Variants in SCUBE2 observed in about 807,000 individuals in gnomAD.
The protein encoded by SCUBE2 is signal peptide, CUB domain and EGF like domain containing 2.
SCUBE2 carries 114 observed loss-of-function variants against 125.9 expected under a neutral mutation model. The observed-to-expected ratio is 0.91, with a 90% CI of 0.78 to 1.06. SCUBE2 has a LOEUF of 1.06. Among genes scored for constraint, SCUBE2 ranks in the 50% least tolerant of loss-of-function variants. The pLI, the probability that SCUBE2 is intolerant of heterozygous loss-of-function variation, is 0.00. For synonymous variants in SCUBE2, 459 were observed against 492.9 expected (o/e 0.93, Z 0.91); for missense variants, 1,255 against 1,301.8 (o/e 0.96, Z 0.55).
Position 9,053,642 on chromosome 11 carries a change from C to T in SCUBE2, c.1325G>A (p.Cys442Tyr), listed in dbSNP as rs889145596. The change falls in exon 11 of 23, where the codon TGT becomes TAT. Residue 442 changes from cysteine to tyrosine, a missense_variant. Cys to Tyr is a radical substitution (Grantham distance 194). This residue lies in a region of SCUBE2 where 378 missense variants were observed against 463.1 expected (regional missense o/e 0.82). Coordinates refer to ENST00000649792, the MANE Select transcript of SCUBE2 (RefSeq NM_001367977.2). The stretch of plus-strand genomic sequence containing the variant: ...TGTGCCTCGGTTCCCCTTACCCACA[C>T]AGTCTTTTTTATTCCAGTGGAGCTT... Reference protein sequence around the residue: ...GYKLHWNKKDCVEVKGLLPTS... With the variant: ...GYKLHWNKKDYVEVKGLLPTS... The T allele has an allele frequency of 6.2e-7, 1 of 1,614,010 alleles. No homozygotes were observed. Among genetic ancestry groups the T allele is most frequent in the Non-Finnish European group, 8.5e-7 (1 of 1,179,942 alleles).
In SCUBE2 at chr11:9,030,034, G is replaced by A. The variant is rs144146136; in HGVS notation, c.2353C>T (p.Pro785Ser). The change falls in exon 19 of 23, where the codon CCT (proline) becomes TCT (serine). Residue 785 changes from proline (P) to serine (S), a missense_variant. Pro to Ser is a moderately conservative substitution (Grantham distance 74, BLOSUM62 -1). Coordinates refer to ENST00000649792, the MANE Select transcript of SCUBE2 (RefSeq NM_001367977.2). ...GTGGTGGTGTTGTAGAAATGTCCAG[G>A]TGAACATTGAACTGTGGGTCAAGGG... ...QDCETRVQCS[P>S]GHFYNTTTHR... 6.9e-4 allele frequency: 1,120 copies of A among 1,613,938 alleles called. No homozygotes were observed. The highest frequency in any genetic ancestry group is 9.2e-4 in the Non-Finnish European group (1,085 of 1,179,952).
Position 9,029,947 on chromosome 11 carries a change from C to A in SCUBE2, c.2440G>T (p.Val814Phe). 2 of 1,614,192 alleles carry A rather than the reference C, an allele frequency of 1.2e-6. No individual in the cohort carries two copies. The highest frequency in any genetic ancestry group is 1.7e-6 in the Non-Finnish European group (2 of 1,180,024). The stretch of plus-strand genomic sequence containing the variant: ...GTCGTAGTATTTCCTGGGCAAGAAA[C>A]ACAATTATTTTTTCCAAATTCAGGC... The part of the protein sequence containing the change: ...YQPEFGKNNC[V>F]SCPGNTTTDF... Residue 814 changes from valine (V) to phenylalanine (F), a missense_variant, in exon 19 of 23, where the codon GTT becomes TTT. By Grantham distance (50) the Val-to-Phe change is conservative. Coordinates refer to ENST00000649792, the MANE Select transcript of SCUBE2 (RefSeq NM_001367977.2).
In SCUBE2 at chr11:9,039,839, G is replaced by C. The variant is rs187646144; in HGVS notation, c.2003-6043C>G. ...ACTGACTCTCGCCTCTCAATACATA[G>C]AGAATAGTTACAGCTTAGCTATGCC... is the stretch of plus-strand genomic sequence containing the variant. On this transcript the variant is annotated intron_variant, in intron 16 of 22. Transcript: ENST00000649792. Among the ~76,000 whole-genome samples, 368 of 152,274 alleles carry C rather than the reference G, an allele frequency of 2.4e-3. 2 individuals carry two copies. The highest frequency in any genetic ancestry group is 8.6e-3 in the African/African-American group (358 of 41,546).
At position 9,030,939 on chromosome 11, in the gene SCUBE2, T is replaced by TA. The variant is rs1165073700; in HGVS notation, c.2174-15dup. The stretch of plus-strand genomic sequence containing the variant: ...GTTGACACAGACCTGGAAGGACCAA[T>TA]AGCCTTACGTGAGCAAGGCCTCCAG... On this transcript the variant is annotated splice_polypyrimidine_tract_variant and intron_variant, in intron 17 of 22. Coordinates refer to ENST00000649792, the MANE Select transcript of SCUBE2 (RefSeq NM_001367977.2). The TA allele has an allele frequency of 3.7e-6, 6 of 1,608,116 alleles. No homozygotes were observed. Among genetic ancestry groups the TA allele is most frequent in the Non-Finnish European group, 4.3e-6 (5 of 1,176,424 alleles).
At chr11:9,082,463 C>T (rs1337042260) in intron 2 of SCUBE2, among the ~76,000 whole-genome samples, 1 of 152,138 alleles carries the variant, frequency 6.6e-6, no homozygotes, top group Non-Finnish European at 1.5e-5. Flanking sequence ...CCAGCAATCC[C>T]ACTCCTAGGT....
chr11:9,035,508 T>G (rs1856679949), intron 16 of SCUBE2, among the ~76,000 whole-genome samples: 1 of 152,210 alleles, frequency 6.6e-6, no homozygotes, highest in African/African-American at 2.4e-5. Context: ...GGAACAAACA[T>G]TCTCTATATG....
rs991843090 is a variant in SCUBE2, at chr11:9,053,486, C to T, written c.1330+151G>A. On this transcript the variant is annotated intron_variant, in intron 11 of 22. Coordinates refer to ENST00000649792, the MANE Select transcript of SCUBE2 (RefSeq NM_001367977.2). ...CACCAAAGATCCGGCAAAGTATCTC[C>T]TGTTTTTGAACTATTTAAAGAACAG... is the stretch of plus-strand genomic sequence containing the variant. 2.4e-5 allele frequency: 22 copies of T among 919,368 alleles called. 1 individual carries two copies. In the African/African-American group the frequency reaches 3.5e-4, roughly 15 times the overall value. The allele number at this position is 919,368 out of a possible 1,614,324, so 57.0% of individuals were successfully genotyped here. A position where few individuals can be genotyped will look rare whatever the true frequency, so the allele number is the denominator to read the frequency against.
At position 9,060,299 on chromosome 11, in the gene SCUBE2, C is replaced by G. The variant is rs546140209; in HGVS notation, c.967+109G>C. 5.2e-6 allele frequency: 4 copies of G among 775,660 alleles called. No homozygotes were observed. In the South Asian group the frequency reaches 7.0e-5, roughly 14 times the overall value. 48.0% of individuals were successfully genotyped at this position (775,660 alleles called of 1,614,324 possible). A position where few individuals can be genotyped will look rare whatever the true frequency, so the allele number is the denominator to read the frequency against. ...ATTGATATGAATCATAAGCAAATCT[C>G]GAGTCACGTGGGGTATGGAGGGTAT... is the stretch of plus-strand genomic sequence containing the variant. On this transcript the variant is annotated intron_variant, in intron 8 of 22. Transcript: ENST00000649792.
At chr11:9,062,059 G>C (rs1175497827) in intron 7 of SCUBE2, among the ~76,000 whole-genome samples, 2 of 152,170 alleles carry the variant, frequency 1.3e-5, no homozygotes, top group Non-Finnish European at 2.9e-5. Flanking sequence ...GAGAAGTCTG[G>C]ACCAGAGAGG....
Position 9,060,433 on chromosome 11 carries a change from G to A in SCUBE2, c.942C>T (p.Leu314=), listed in dbSNP as rs1433342234. The change falls in exon 8 of 23, where the codon CTC becomes CTT. Residue 314 remains leucine (L), a synonymous_variant. Coordinates refer to ENST00000649792, the MANE Select transcript of SCUBE2 (RefSeq NM_001367977.2). ...CTTTACATGTCTTCCCATCCAACTG[G>A]AGAGTGAATCCAACAGGACAACTGC... The part of the protein sequence containing the change: ...VHCSCPVGFT[L]QLDGKTCKDI... The A allele has an allele frequency of 2.5e-6, 4 of 1,613,906 alleles. No individual in the cohort carries two copies. In the Admixed American group the frequency reaches 6.7e-5, roughly 27 times the overall value.
intron 17 of SCUBE2, among the ~76,000 whole-genome samples, chr11:9,033,213 C>T (rs575703514): frequency 2.8e-4 from 43 of 152,198 alleles, no homozygotes; most frequent in Admixed American, 6.5e-4. Flanking sequence ...ACAAAATAAA[C>T]GGATATATTT....
intron 10 of SCUBE2, among the ~76,000 whole-genome samples, chr11:9,054,725 A>ATATATATATATATATATTTTTTTTTT (rs1368153935): frequency 4.5e-5 from 1 of 22,344 alleles, no homozygotes; most frequent in Non-Finnish European, 7.1e-5. Context: ...ATATATATAT[A>ATATATATATATATATATTTTTTTTTT]TTTTTTTTTT....
chr11:9,042,764 T>G (rs1169364565), intron 16 of SCUBE2, among the ~76,000 whole-genome samples: 1 of 152,024 alleles, frequency 6.6e-6, no homozygotes, highest in Non-Finnish European at 1.5e-5. Flanking sequence ...ACAGGCCACA[T>G]CAGAATCCTC....
intron 10 of SCUBE2, among the ~76,000 whole-genome samples, chr11:9,054,849 C>T (rs1415070418): frequency 6.8e-6 from 1 of 147,564 alleles, no homozygotes; most frequent in Admixed American, 6.7e-5. Context: ...AATTTTCCTG[C>T]CTCAGCTCCC....
At chr11:9,059,758 G>A (rs1859475378) in intron 8 of SCUBE2, 1 of 234,916 alleles carries the variant, frequency 4.3e-6, no homozygotes, top group South Asian at 1.3e-4. Context: ...GGTCTCTTTA[G>A]TACACTATGT....
Position 9,033,871 on chromosome 11 carries a change from A to G in SCUBE2, c.2003-75T>C, listed in dbSNP as rs188916938. The G allele has an allele frequency of 7.0e-5, 103 of 1,477,760 alleles. No individual in the cohort carries two copies. The Admixed American group carries it at 1.6e-3, about 23-fold the overall frequency. 91.5% of individuals were successfully genotyped at this position (1,477,760 alleles called of 1,614,324 possible). On this transcript the variant is annotated intron_variant, in intron 16 of 22. Coordinates refer to ENST00000649792, the MANE Select transcript of SCUBE2 (RefSeq NM_001367977.2). The stretch of plus-strand genomic sequence containing the variant: ...AGGATGATGTGAGTTCTAGAGATGA[A>G]GGCAAATAGATGGCACTGACCACAC...
chr11:9,039,019 G>A (rs1436378375), intron 16 of SCUBE2, among the ~76,000 whole-genome samples: 1 of 152,110 alleles, frequency 6.6e-6, no homozygotes, highest in East Asian at 1.9e-4. Flanking sequence ...CTGAGTAGCT[G>A]GAACTACAGG....
At chr11:9,079,606 C>G in intron 2 of SCUBE2, 97 bp from the exon 3 acceptor site, 1 of 1,262,508 alleles carries the variant, frequency 7.9e-7, no homozygotes, top group South Asian at 1.5e-5. Flanking sequence ...AGGAATCTAC[C>G]TGAAAATACA....
intron 7 of SCUBE2, among the ~76,000 whole-genome samples, chr11:9,061,338 C>A (rs945617671): frequency 1.3e-5 from 2 of 152,090 alleles, no homozygotes; most frequent in Non-Finnish European, 2.9e-5. Context: ...AGGAGGATCA[C>A]CTGAGCCCAG....
Sources: allele counts gnomAD v4.1 joint callset (sites outside exome capture counted in the v4.1 genomes callset), GRCh38; gene constraint gnomAD v4.1.1; regional missense constraint gnomAD v4.1.1; transcripts MANE v1.5; gene names NCBI Gene and HGNC (gene_info 2026-07-23, HGNC 2026-07-21).